Variants in ENTREP2 observed in about 807,000 individuals in gnomAD.
ENTREP2 encodes the protein endosomal transmembrane epsin interactor 2, also known as protein ENTREP2.
the ENTREP2 span, among the ~76,000 whole-genome samples, chr15:29,501,756 C>A: frequency 1.3e-5 from 2 of 151,880 alleles, no homozygotes; most frequent in African/African-American, 2.4e-5. Context: ...TCACAGATGA[C>A]CTAATTTTAT....
the ENTREP2 span, chr15:29,269,234 G>A: frequency 1.2e-6 from 2 of 1,614,168 alleles, no homozygotes; most frequent in South Asian, 1.1e-5. Context: ...ACAGGCTCCA[G>A]GGTGTTGATG....
the ENTREP2 span, among the ~76,000 whole-genome samples, chr15:29,212,077 T>G: frequency 6.6e-6 from 1 of 150,556 alleles, no homozygotes; most frequent in Non-Finnish European, 1.5e-5. Flanking sequence ...GAATATCTGG[T>G]AGAATTCTGC....
chr15:29,572,832 C>T, the ENTREP2 span, among the ~76,000 whole-genome samples: 40 of 151,302 alleles, frequency 2.6e-4, no homozygotes, highest in South Asian at 6.3e-4. Context: ...CCCCCCCAAC[C>T]CCACCCCCAC....
chr15:29,159,432 A>G, the ENTREP2 span, among the ~76,000 whole-genome samples: 1 of 152,148 alleles, frequency 6.6e-6, no homozygotes, highest in South Asian at 2.1e-4. Context: ...CACAGCATAG[A>G]AAAGGACAGG....
At chr15:29,559,989 C>G in the ENTREP2 span, among the ~76,000 whole-genome samples, 8 of 152,194 alleles carry the variant, frequency 5.3e-5, no homozygotes, top group Non-Finnish European at 7.3e-5. Flanking sequence ...AAAACTGGAA[C>G]TGAATATGAC....
chr15:29,515,381 C>T, the ENTREP2 span, among the ~76,000 whole-genome samples: 13 of 152,336 alleles, frequency 8.5e-5, no homozygotes, highest in African/African-American at 3.1e-4. Context: ...AGAACGCACC[C>T]TTCCTCTGAC....
At chr15:29,231,874 A>C in the ENTREP2 span, among the ~76,000 whole-genome samples, 1 of 125,990 alleles carries the variant, frequency 7.9e-6, no homozygotes, top group South Asian at 3.1e-4. Flanking sequence ...ATGAGGAATA[A>C]GTTTTCTTTT....
At chr15:29,601,846 A>G in the ENTREP2 span, among the ~76,000 whole-genome samples, 39 of 152,204 alleles carry the variant, frequency 2.6e-4, no homozygotes, top group African/African-American at 8.9e-4. Context: ...ACAATGACCA[A>G]TCACTGCAGA....
chr15:29,541,259 T>G, the ENTREP2 span, among the ~76,000 whole-genome samples: 1 of 152,118 alleles, frequency 6.6e-6, no homozygotes, highest in Non-Finnish European at 1.5e-5. Flanking sequence ...CTGCGGAAAT[T>G]TCAACTCATC....
the ENTREP2 span, among the ~76,000 whole-genome samples, chr15:29,656,036 A>C: frequency 4.0e-5 from 6 of 149,740 alleles, no homozygotes; most frequent in African/African-American, 7.6e-5. Context: ...AAAAAAAAAA[A>C]AAAAAAACAA....
the ENTREP2 span, among the ~76,000 whole-genome samples, chr15:29,185,713 C>T: frequency 6.6e-6 from 1 of 152,080 alleles, no homozygotes; most frequent in Non-Finnish European, 1.5e-5. Context: ...AGGCGCCCGC[C>T]ACCACACCTG....
At chr15:29,600,555 AT>A in the ENTREP2 span, among the ~76,000 whole-genome samples, 1 of 152,152 alleles carries the variant, frequency 6.6e-6, no homozygotes, top group Non-Finnish European at 1.5e-5. Flanking sequence ...ATTACTATCT[AT>A]AAAAATTAAC....
chr15:29,442,275 T>G, the ENTREP2 span, among the ~76,000 whole-genome samples: 1 of 152,016 alleles, frequency 6.6e-6, no homozygotes, highest in African/African-American at 2.4e-5. Flanking sequence ...AAACCAACTA[T>G]TCGAACCACC....
the ENTREP2 span, chr15:29,126,423 C>T: frequency 1.9e-6 from 3 of 1,549,674 alleles, no homozygotes; most frequent in Non-Finnish European, 1.7e-6. Flanking sequence ...ACAGGGCCAT[C>T]GGGGGATGGG....
At chr15:29,444,458 C>CT in the ENTREP2 span, among the ~76,000 whole-genome samples, 8 of 129,594 alleles carry the variant, frequency 6.2e-5, no homozygotes, top group East Asian at 2.4e-4. Flanking sequence ...CAGCTTCCTT[C>CT]TTTTTTTTCT....
At chr15:29,514,922 C>T in the ENTREP2 span, among the ~76,000 whole-genome samples, 2 of 152,208 alleles carry the variant, frequency 1.3e-5, no homozygotes, top group African/African-American at 4.8e-5. Context: ...TGTCCTTCAA[C>T]ACGGCAGGAT....
the ENTREP2 span, among the ~76,000 whole-genome samples, chr15:29,231,475 G>GT: frequency 6.6e-6 from 1 of 151,934 alleles, no homozygotes; most frequent in African/African-American, 2.4e-5. Context: ...TGTAAATTAA[G>GT]TATCAACTTA....
At chr15:29,206,953 T>G in the ENTREP2 span, among the ~76,000 whole-genome samples, 2 of 152,150 alleles carry the variant, frequency 1.3e-5, no homozygotes, top group South Asian at 4.1e-4. Context: ...CAATCAAAAC[T>G]ACCTTCACCA....
the ENTREP2 span, among the ~76,000 whole-genome samples, chr15:29,303,952 C>T: frequency 6.6e-6 from 1 of 152,064 alleles, no homozygotes; most frequent in East Asian, 1.9e-4. Flanking sequence ...GTGATCTCGG[C>T]TCACTGCAAC....
Sources: gnomAD v4.1 joint callset for allele counts (sites outside exome capture counted in the v4.1 genomes callset) on GRCh38, gnomAD v4.1.1 for gene constraint, MANE v1.5 for transcripts, NCBI Gene and HGNC (gene_info 2026-07-23, HGNC 2026-07-21) for gene names.